Variants in ERI1 observed in about 807,000 individuals in gnomAD.
ERI1 encodes the protein exoribonuclease 1.
A neutral mutation model predicts 39.7 loss-of-function variants in ERI1; 39 were observed. The observed-to-expected ratio is 0.98, with a 90% CI of 0.76 to 1.28. The LOEUF (loss-of-function observed/expected upper bound fraction) is 1.28, where lower values mean the gene tolerates loss of function less well. Ranked by LOEUF, ERI1 falls within the 50% of genes most tolerant of loss-of-function variation. ERI1 has a pLI of 0.00. For missense variants in ERI1, 581 were observed against 416.9 expected (o/e 1.39, Z -3.43); for synonymous variants, 204 against 149.6 (o/e 1.36, Z -2.65).
downstream of ERI1, among the ~76,000 whole-genome samples, chr8:9,037,773 C>G (rs780994377): frequency 1.1e-4 from 16 of 151,898 alleles, no homozygotes; most frequent in Non-Finnish European, 5.9e-5. Flanking sequence ...TTTAGAGGCT[C>G]TGTCTCGAGT....
intron 3 of ERI1, among the ~76,000 whole-genome samples, chr8:9,041,218 C>G (rs1315226649): frequency 6.6e-6 from 1 of 152,158 alleles, no homozygotes; most frequent in Non-Finnish European, 1.5e-5. Flanking sequence ...TCTGGAAATT[C>G]AGGAGAAACA....
chr8:9,082,297 A>G (rs890298379), intron 3 of ERI1, among the ~76,000 whole-genome samples: 1 of 152,096 alleles, frequency 6.6e-6, no homozygotes, highest in Admixed American at 6.5e-5. Flanking sequence ...ATGTTGACTC[A>G]TGGTGTTTTA....
chr8:9,026,242 CTTG>C (rs764854376), intron 6 of ERI1, among the ~76,000 whole-genome samples: 4 of 152,200 alleles, frequency 2.6e-5, no homozygotes, highest in East Asian at 1.9e-4. Context: ...CTGTATAACA[CTTG>C]TTGTTCACTT....
intron 3 of ERI1, among the ~76,000 whole-genome samples, chr8:9,050,573 C>G (rs371645676): frequency 3.9e-4 from 59 of 152,084 alleles, no homozygotes; most frequent in African/African-American, 1.2e-3. Flanking sequence ...TTTTCTAGGT[C>G]TATTCCTGTC....
chr8:9,029,040 A>C (rs1797399497), intron 6 of ERI1, among the ~76,000 whole-genome samples: 1 of 147,636 alleles, frequency 6.8e-6, no homozygotes, highest in Non-Finnish European at 1.5e-5. Flanking sequence ...GAAAAATACC[A>C]CACCACATCG....
chr8:9,085,242 T>C (rs1799488566), intron 3 of ERI1, among the ~76,000 whole-genome samples: 1 of 152,202 alleles, frequency 6.6e-6, no homozygotes, highest in Non-Finnish European at 1.5e-5. Flanking sequence ...TGAGTCTTGC[T>C]CTGTCACCCA....
downstream of ERI1, among the ~76,000 whole-genome samples, chr8:9,037,846 T>C (rs1043644709): frequency 3.3e-5 from 5 of 150,218 alleles, no homozygotes; most frequent in Admixed American, 6.7e-5. Context: ...AGCAAACAAA[T>C]GTTAAGCTGT....
At chr8:9,024,770 G>C (rs1204990198) in intron 6 of ERI1, among the ~76,000 whole-genome samples, 1 of 152,038 alleles carries the variant, frequency 6.6e-6, no homozygotes, top group Non-Finnish European at 1.5e-5. Flanking sequence ...CAATGCTGTT[G>C]TTGAAGTAAA....
In ERI1 at chr8:9,003,089, C is replaced by T. The variant is rs1815540565; in HGVS notation, c.26C>T (p.Pro9Leu). Residue 9 changes from proline to leucine, a missense_variant, in exon 1 of 7, where the codon CCT becomes CTT. Physicochemically the swap from Pro to Leu is moderately conservative, Grantham distance 98 (BLOSUM62 -3). Coordinates refer to ENST00000250263, the MANE Select transcript of ERI1 (RefSeq NM_153332.4). ...ATGGAGGATCCACAGAGTAAAGAGCCTGCCGGCGAGGCCGTGGCTCTCGCG... is the reference window on the plus strand; with the variant it reads ...ATGGAGGATCCACAGAGTAAAGAGCTTGCCGGCGAGGCCGTGGCTCTCGCG... MEDPQSKEPAGEAVALALL... is the reference protein window; with the variant it reads MEDPQSKELAGEAVALALL... 8.0e-7 allele frequency: 1 copy of T among 1,248,200 alleles called. No homozygotes were observed. Among genetic ancestry groups the T allele is most frequent in the East Asian group, 3.1e-5 (1 of 31,756 alleles). The allele number at this position is 1,248,200 out of a possible 1,614,324, so 77.3% of individuals were successfully genotyped here. A position where few individuals can be genotyped will look rare whatever the true frequency, so the allele number is the denominator to read the frequency against.
chr8:9,028,679 A>T (rs1339224434), intron 6 of ERI1, among the ~76,000 whole-genome samples: 1 of 152,092 alleles, frequency 6.6e-6, no homozygotes, highest in South Asian at 2.1e-4. Context: ...GCTGGAGTGC[A>T]GTGGAGTGAT....
chr8:9,057,606 C>T (rs372037947), intron 3 of ERI1, among the ~76,000 whole-genome samples: 22 of 152,210 alleles, frequency 1.4e-4, no homozygotes, highest in African/African-American at 4.6e-4. Context: ...CTATTTTAGG[C>T]CTGGTGAAAA....
chr8:9,093,185 T>C (rs1008320456), intron 3 of ERI1, among the ~76,000 whole-genome samples: 1 of 152,156 alleles, frequency 6.6e-6, no homozygotes, highest in African/African-American at 2.4e-5. Context: ...TGGGCCACAT[T>C]GGAAGAAGAA....
chr8:9,051,576 G>A (rs1418774813), intron 3 of ERI1, among the ~76,000 whole-genome samples: 1 of 151,570 alleles, frequency 6.6e-6, no homozygotes, highest in Non-Finnish European at 1.5e-5. Flanking sequence ...AGGATCACTT[G>A]AACCCAGGAG....
In ERI1 at chr8:9,018,220, A is replaced by G. The variant is rs1199833871; in HGVS notation, c.583-77A>G. On this transcript the variant is annotated intron_variant, in intron 4 of 6. Transcript: ENST00000250263. Reference sequence around the variant, plus strand: ...TTCTCATACTGTTTCTTCCCCTCCAACTTAGGTCTGGGTATTTTGTAGGTC... The same window carrying G: ...TTCTCATACTGTTTCTTCCCCTCCAGCTTAGGTCTGGGTATTTTGTAGGTC... 9.5e-6 allele frequency: 7 copies of G among 740,582 alleles called. 1 individual carries two copies. Among genetic ancestry groups the G allele is most frequent in the African/African-American group, 7.0e-5 (4 of 57,040 alleles). The allele number at this position is 740,582 out of a possible 1,614,324, so 45.9% of individuals were successfully genotyped here.
chr8:9,077,762 C>T (rs1444596662), intron 3 of ERI1, among the ~76,000 whole-genome samples: 1 of 152,148 alleles, frequency 6.6e-6, no homozygotes, highest in African/African-American at 2.4e-5. Context: ...GGAGGAACTC[C>T]CCTTTAGTCA....
intron 3 of ERI1, among the ~76,000 whole-genome samples, chr8:9,072,786 G>A (rs913283789): frequency 8.5e-5 from 13 of 152,098 alleles, no homozygotes; most frequent in African/African-American, 1.4e-4. Flanking sequence ...CCCCACTCCC[G>A]ACAGAAGCAG....
At chr8:9,059,886 T>G (rs1343851348) in intron 3 of ERI1, among the ~76,000 whole-genome samples, 1 of 152,130 alleles carries the variant, frequency 6.6e-6, no homozygotes, top group Non-Finnish European at 1.5e-5. Context: ...TGACAAGTTT[T>G]CTGGGGCACA....
intron 6 of ERI1, among the ~76,000 whole-genome samples, chr8:9,020,754 A>C (rs761870866): frequency 1.5e-4 from 23 of 152,144 alleles, no homozygotes; most frequent in Non-Finnish European, 3.1e-4. Context: ...ACTAGATTTT[A>C]ATTTTACTTC....
chr8:9,061,094 G>A (rs1189323328), intron 3 of ERI1, among the ~76,000 whole-genome samples: 1 of 152,184 alleles, frequency 6.6e-6, no homozygotes, highest in Admixed American at 6.5e-5. Flanking sequence ...TAATGGAGGG[G>A]AGCGGAGCGG....
Sources: allele counts gnomAD v4.1 joint callset (sites outside exome capture counted in the v4.1 genomes callset), GRCh38; gene constraint gnomAD v4.1.1; transcripts MANE v1.5; gene names NCBI Gene and HGNC (gene_info 2026-07-23, HGNC 2026-07-21).